CFAP299: variants seen among roughly 807,000 people sequenced by gnomAD.
CFAP299 encodes the protein cilia and flagella associated protein 299, also known as cilia- and flagella-associated protein 299.
Under a neutral mutation model 27.0 loss-of-function variants are expected in CFAP299, and 21 were observed. The ratio of observed to expected loss-of-function variants is 0.78; its 90% CI spans 0.55 to 1.12. The LOEUF is 1.12. Among genes scored for constraint, CFAP299 ranks in the 50% most tolerant of loss-of-function variants. The pLI is 0.00. For missense variants in CFAP299, 310 were observed against 276.6 expected (o/e 1.12, Z -0.86); for synonymous variants, 104 against 98.1 (o/e 1.06, Z -0.36).
At chr4:80,624,093 T>C (rs1038530) in intron 3 of CFAP299, among the ~76,000 whole-genome samples, 142,496 of 152,240 alleles carry the variant, frequency 0.94, 66,743 homozygotes, top group East Asian at 1. Flanking sequence ...TGACTACAAA[T>C]ATCAAGAACA....
upstream of CFAP299, among the ~76,000 whole-genome samples, chr4:80,334,044 T>C (rs182022128): frequency 2.6e-5 from 4 of 152,272 alleles, no homozygotes; most frequent in Non-Finnish European, 5.9e-5. Flanking sequence ...TTCTTGATAT[T>C]AATAGAGAAG....
chr4:80,586,932 A>T (rs898933334), intron 3 of CFAP299, among the ~76,000 whole-genome samples: 2 of 150,530 alleles, frequency 1.3e-5, no homozygotes, highest in African/African-American at 2.5e-5. Context: ...AACATTGCCT[A>T]CAGCTTTTCC....
intron 2 of CFAP299, among the ~76,000 whole-genome samples, chr4:80,440,329 C>A (rs965923247): frequency 2.0e-5 from 3 of 149,854 alleles, no homozygotes; most frequent in African/African-American, 7.3e-5. Context: ...GCGGGTGCCC[C>A]TCTGGGACGA....
chr4:80,738,337 C>A (rs976563601), intron 3 of CFAP299, among the ~76,000 whole-genome samples: 1 of 152,060 alleles, frequency 6.6e-6, no homozygotes, highest in Non-Finnish European at 1.5e-5. Context: ...GTGTTGAAGT[C>A]TTCAGATACT....
chr4:80,608,756 A>G (rs1046619420), intron 3 of CFAP299, among the ~76,000 whole-genome samples: 1 of 152,054 alleles, frequency 6.6e-6, no homozygotes, highest in African/African-American at 2.4e-5. Context: ...GGATGAAGCC[A>G]GGAGGTTTAA....
intron 3 of CFAP299, among the ~76,000 whole-genome samples, chr4:80,753,339 TTG>T (rs1725045381): frequency 6.6e-6 from 1 of 152,150 alleles, no homozygotes; most frequent in Non-Finnish European, 1.5e-5. Context: ...TTTATATAAT[TTG>T]TCTTATATAA....
intron 1 of CFAP299, among the ~76,000 whole-genome samples, chr4:80,343,650 G>A (rs1031958445): frequency 7.9e-5 from 12 of 151,772 alleles, no homozygotes; most frequent in South Asian, 2.1e-4. Context: ...TTAGCCAGGC[G>A]CGGTGGCGGG....
Position 80,403,729 on chromosome 4 carries a change from G to A in CFAP299, c.242+40845G>A, listed in dbSNP as rs148232903. Among the ~76,000 whole-genome samples, 895 of 151,954 alleles carry A rather than the reference G, an allele frequency of 5.9e-3. 11 individuals are homozygous for A. The highest frequency in any genetic ancestry group is 0.02 in the African/African-American group (846 of 41,458). Reference sequence around the variant, plus strand: ...CATTACTTTATATATTTTTGTTTGCGTTGATTGATTAATATATGCAATGTT... The same window carrying A: ...CATTACTTTATATATTTTTGTTTGCATTGATTGATTAATATATGCAATGTT... On this transcript the variant is annotated intron_variant, in intron 2 of 5. Transcript: ENST00000358105.
chr4:80,723,783 A>T (rs985371053), intron 3 of CFAP299, among the ~76,000 whole-genome samples: 1 of 152,140 alleles, frequency 6.6e-6, no homozygotes, highest in South Asian at 2.1e-4. Context: ...TTAAATATCT[A>T]TACCAAAGAA....
intron 5 of CFAP299, among the ~76,000 whole-genome samples, chr4:80,951,914 G>C (rs1737799558): frequency 6.6e-6 from 1 of 152,168 alleles, no homozygotes; most frequent in South Asian, 2.1e-4. Context: ...TGTGTAATGA[G>C]ATACAACTGC....
Position 80,753,422 on chromosome 4 carries a change from G to T in CFAP299, c.334-116571G>T, listed in dbSNP as rs1046624277. 3.9e-5 allele frequency among the ~76,000 whole-genome samples: 6 copies of T among 152,132 alleles called. No homozygotes were observed. The East Asian group carries it at 5.8e-4, about 15-fold the overall frequency. The stretch of plus-strand genomic sequence containing the variant: ...TTTTTCTCTGGTTGTCATCAAGACT[G>T]TCTCTGTCTTTGGCTTTAGTAGTTT... On this transcript the variant is annotated intron_variant, in intron 3 of 5. Transcript: ENST00000358105.
At chr4:80,809,514 C>T (rs1265673183) in intron 3 of CFAP299, among the ~76,000 whole-genome samples, 1 of 152,022 alleles carries the variant, frequency 6.6e-6, no homozygotes, top group Non-Finnish European at 1.5e-5. Flanking sequence ...AGGATTAATC[C>T]CTCTAGCACA....
intron 3 of CFAP299, among the ~76,000 whole-genome samples, chr4:80,638,132 T>C (rs1248549676): frequency 6.6e-6 from 1 of 152,138 alleles, no homozygotes; most frequent in Non-Finnish European, 1.5e-5. Flanking sequence ...GAAAGCCTCA[T>C]TGCCAGAGTC....
intron 2 of CFAP299, among the ~76,000 whole-genome samples, chr4:80,529,193 CT>C (rs1353265611): frequency 2.0e-5 from 3 of 152,094 alleles, no homozygotes; most frequent in African/African-American, 7.2e-5. Flanking sequence ...ACTTGTATCT[CT>C]GCCAGCATCA....
chr4:80,862,467 G>A (rs565013555), intron 3 of CFAP299, among the ~76,000 whole-genome samples: 4 of 152,106 alleles, frequency 2.6e-5, no homozygotes, highest in South Asian at 2.1e-4. Context: ...TTCCCCCTGA[G>A]AAATCAATCC....
intron 3 of CFAP299, among the ~76,000 whole-genome samples, chr4:80,684,127 G>A (rs984073968): frequency 2.0e-5 from 3 of 152,174 alleles, no homozygotes; most frequent in Admixed American, 6.5e-5. Context: ...TTTTGCCAAA[G>A]CGATTATGTT....
the CFAP299 span, among the ~76,000 whole-genome samples, chr4:80,325,012 A>G: frequency 2.0e-5 from 3 of 152,210 alleles, no homozygotes; most frequent in Non-Finnish European, 4.4e-5. Flanking sequence ...AGTCTCAGCT[A>G]CTCAGTAGGC....
At chr4:80,415,063 C>T (rs956809047) in intron 2 of CFAP299, among the ~76,000 whole-genome samples, 4 of 152,062 alleles carry the variant, frequency 2.6e-5, no homozygotes, top group Admixed American at 2.6e-4. Context: ...CAACCTCATC[C>T]TTTTAAAAAG....
chr4:80,499,665 C>T (rs1214109537), intron 2 of CFAP299, among the ~76,000 whole-genome samples: 1 of 151,954 alleles, frequency 6.6e-6, no homozygotes, highest in African/African-American at 2.4e-5. Context: ...AATTCATTTT[C>T]AGTATTTTTT....
Sources: gnomAD v4.1 joint callset for allele counts (sites outside exome capture counted in the v4.1 genomes callset) on GRCh38, gnomAD v4.1.1 for gene constraint, MANE v1.5 for transcripts, NCBI Gene and HGNC (gene_info 2026-07-23, HGNC 2026-07-21) for gene names.